Variants in DERL1 observed in about 807,000 individuals in gnomAD.
DERL1 encodes derlin 1.
A neutral mutation model predicts 41.6 loss-of-function variants in DERL1; 24 were observed. That is an observed-to-expected ratio of 0.58 (90% CI 0.42 to 0.81). DERL1 has a LOEUF of 0.81. Ranked by LOEUF, DERL1 falls within the 30% of genes least tolerant of loss-of-function variation. The probability of loss-of-function intolerance (pLI) is 0.00; values close to 1 mark genes in which losing one functional copy is unlikely to be tolerated. For missense variants in DERL1, 260 were observed against 314.3 expected, an observed-to-expected ratio of 0.83 and a Z score of 1.31; for synonymous variants, 124 against 112.5, an observed-to-expected ratio of 1.10 and a Z score of -0.65.
chr8:123,039,117 C>T (rs746245416), intron 1 of DERL1, among the ~76,000 whole-genome samples: 2 of 152,206 alleles, frequency 1.3e-5, no homozygotes, highest in African/African-American at 4.8e-5. Flanking sequence ...ATCTCGTCCC[C>T]TCTGCCAAGT....
chr8:123,031,814 A>G (rs966679146), intron 1 of DERL1, among the ~76,000 whole-genome samples: 1 of 152,172 alleles, frequency 6.6e-6, no homozygotes, highest in African/African-American at 2.4e-5. Context: ...AACTGTTACA[A>G]TGCCACAATG....
chr8:123,042,113 T>A lies in DERL1; in HGVS notation c.10A>T (p.Ile4Phe). ...GGGATGCTCCTGAACCAGTCTCCGA[T>A]GTCCGACATCTTCGACCCACAGGTA... MSDIGDWFRSIPAI... is the reference protein window; with the variant it reads MSDFGDWFRSIPAI... Residue 4 changes from isoleucine to phenylalanine, a missense_variant, in exon 1 of 8, where the codon ATC becomes TTC. Ile to Phe is a conservative substitution (Grantham distance 21). Transcript: ENST00000259512. 1.2e-6 allele frequency: 2 copies of A among 1,608,614 alleles called. No individual in the cohort carries two copies. The highest frequency in any genetic ancestry group is 1.7e-6 in the Non-Finnish European group (2 of 1,176,252).
chr8:123,028,373 CA>C (rs1812749592), intron 2 of DERL1, among the ~76,000 whole-genome samples: 1 of 152,094 alleles, frequency 6.6e-6, no homozygotes, highest in African/African-American at 2.4e-5. Context: ...AGCCAGTCAC[CA>C]AAGGACATAT....
intron 2 of DERL1, among the ~76,000 whole-genome samples, chr8:123,026,642 C>A (rs1346492237): frequency 3.9e-5 from 6 of 152,184 alleles, no homozygotes; most frequent in Non-Finnish European, 5.9e-5. Context: ...AAGAGCTCTG[C>A]AACTTTTGGG....
chr8:123,039,270 A>G (rs1812994925), intron 1 of DERL1, among the ~76,000 whole-genome samples: 1 of 152,182 alleles, frequency 6.6e-6, no homozygotes, highest in Admixed American at 6.6e-5. Context: ...TCCACTCCAC[A>G]GAATAGTCGG....
chr8:123,021,498 G>A lies in DERL1; in HGVS notation c.455C>T (p.Ala152Val), dbSNP rs1814766378. 3.1e-6 allele frequency: 5 copies of A among 1,613,500 alleles called. No homozygotes were observed. The highest frequency in any genetic ancestry group is 4.2e-6 in the Non-Finnish European group (5 of 1,179,614). Residue 152 changes from alanine to valine, a missense_variant and splice_region_variant, in exon 6 of 8, where the codon GCC (alanine) becomes GTC (valine). Coordinates refer to ENST00000259512, the MANE Select transcript of DERL1 (RefSeq NM_024295.6). ...AAGGATAACCCAGGGTAAATAGCAG[G>A]CCTAGGATGGAATGAATATATGCAA... Reference protein sequence around the residue: ...VSFWFGTRFKACYLPWVILGF... With the variant: ...VSFWFGTRFKVCYLPWVILGF...
At chr8:123,032,483 T>C (rs1812837968) in intron 1 of DERL1, among the ~76,000 whole-genome samples, 1 of 152,208 alleles carries the variant, frequency 6.6e-6, no homozygotes. Context: ...ATTGCAAGCA[T>C]TTTCTGATGT....
At chr8:123,038,293 C>A (rs1310918466) in intron 1 of DERL1, among the ~76,000 whole-genome samples, 1 of 152,198 alleles carries the variant, frequency 6.6e-6, no homozygotes, top group African/African-American at 2.4e-5. Flanking sequence ...GCACACTGTC[C>A]GTGCACAGCA....
chr8:123,028,545 T>C (rs1165353013), intron 2 of DERL1, among the ~76,000 whole-genome samples: 2 of 152,148 alleles, frequency 1.3e-5, no homozygotes, highest in Non-Finnish European at 2.9e-5. Context: ...CTGCATAACA[T>C]TGTGAATATA....
intron 4 of DERL1, among the ~76,000 whole-genome samples, chr8:123,023,447 C>T (rs941340825): frequency 9.9e-5 from 15 of 151,980 alleles, no homozygotes; most frequent in Non-Finnish European, 1.8e-4. Context: ...CCCAGCTACA[C>T]GGGAAGCTGA....
chr8:123,036,420 A>G (rs117493130), intron 1 of DERL1, among the ~76,000 whole-genome samples: 3,005 of 152,342 alleles, frequency 0.02, 28 homozygotes, highest in Non-Finnish European at 0.031. Context: ...ACAACAATAC[A>G]TGGTATTAAA....
At chr8:123,040,188 A>G (rs1813015235) in intron 1 of DERL1, among the ~76,000 whole-genome samples, 2 of 152,374 alleles carry the variant, frequency 1.3e-5, no homozygotes, top group African/African-American at 4.8e-5. Context: ...TATACACTCC[A>G]GCCTGGGCAA....
At chr8:123,039,159 C>T (rs565967389) in intron 1 of DERL1, among the ~76,000 whole-genome samples, 1 of 152,316 alleles carries the variant, frequency 6.6e-6, no homozygotes, top group East Asian at 1.9e-4. Flanking sequence ...CACAGCCACA[C>T]TGATCCAAAC....
intron 3 of DERL1, among the ~76,000 whole-genome samples, 155 bp downstream of exon 3, chr8:123,024,829 TAC>T (rs1474473185): frequency 2.0e-5 from 3 of 152,230 alleles, no homozygotes; most frequent in African/African-American, 4.8e-5. Context: ...TATGATTTAC[TAC>T]AGTTTTTTTT....
At position 123,042,256 on chromosome 8, in the gene DERL1, C is replaced by T; in HGVS notation, c.-134G>A. 8.2e-7 allele frequency: 1 copy of T among 1,222,592 alleles called. No homozygotes were observed. The highest frequency in any genetic ancestry group is 1.1e-6 in the Non-Finnish European group (1 of 927,304). The allele number at this position is 1,222,592 out of a possible 1,614,324, so 75.7% of individuals were successfully genotyped here. On this transcript the variant is annotated 5_prime_UTR_variant, in exon 1 of 8. Coordinates refer to ENST00000259512, the MANE Select transcript of DERL1 (RefSeq NM_024295.6). ...GAAGCCGCGATGCAGAAGGCGGAGACGGGCGGACGTGGCGCCACCGAATTC... is the reference window on the plus strand; with the variant it reads ...GAAGCCGCGATGCAGAAGGCGGAGATGGGCGGACGTGGCGCCACCGAATTC...
rs1266788786 is a variant in DERL1 at position 123,015,426 on chromosome 8, C to T, written c.*21G>A. The T allele has an allele frequency of 3.1e-6, 5 of 1,607,480 alleles. No individual in the cohort carries two copies. The highest frequency in any genetic ancestry group is 4.2e-6 in the Non-Finnish European group (5 of 1,176,972). On this transcript the variant is annotated 3_prime_UTR_variant, in exon 8 of 8. Transcript: ENST00000259512. ...GGGAGGAAATGTGGCTTGAGAGGAG[C>T]GGCTGCCCGAGGCCGCCCCTTCACT...
At chr8:123,033,519 A>C (rs1413189344) in intron 1 of DERL1, among the ~76,000 whole-genome samples, 5 of 152,244 alleles carry the variant, frequency 3.3e-5, no homozygotes, top group Non-Finnish European at 5.9e-5. Context: ...CGAGGTGGGC[A>C]GATCACCTGA....
chr8:123,029,890 T>C (rs182288036), intron 2 of DERL1, among the ~76,000 whole-genome samples: 5 of 152,006 alleles, frequency 3.3e-5, no homozygotes, highest in African/African-American at 9.7e-5. Flanking sequence ...TAAAACCCCA[T>C]CTCTACTAAA....
At chr8:123,039,715 C>A (rs994386736) in intron 1 of DERL1, among the ~76,000 whole-genome samples, 4 of 152,188 alleles carry the variant, frequency 2.6e-5, no homozygotes, top group African/African-American at 7.2e-5. Flanking sequence ...GGCTCTGAAA[C>A]CTTTTCAGTC....
Sources: gnomAD v4.1 joint callset for allele counts (sites outside exome capture counted in the v4.1 genomes callset) on GRCh38, gnomAD v4.1.1 for gene constraint, MANE v1.5 for transcripts, NCBI Gene and HGNC (gene_info 2026-07-23, HGNC 2026-07-21) for gene names.